RIMS2: variants seen among roughly 807,000 people sequenced by gnomAD.
The protein encoded by RIMS2 is regulating synaptic membrane exocytosis 2.
A neutral mutation model predicts 174.4 loss-of-function variants in RIMS2; 59 were observed. The observed-to-expected ratio is 0.34, with a 90% CI of 0.27 to 0.42. The LOEUF (loss-of-function observed/expected upper bound fraction) is 0.42, where lower values mean the gene tolerates loss of function less well. Ranked by LOEUF, RIMS2 falls within the 10% of genes least tolerant of loss-of-function variation. The probability of loss-of-function intolerance (pLI) is 1.00; values close to 1 mark genes in which losing one functional copy is unlikely to be tolerated. For missense variants in RIMS2, 1,620 were observed against 1,666.3 expected (o/e 0.97, Z 0.48); for synonymous variants, 606 against 572.5 (o/e 1.06, Z -0.84).
intron 19 of RIMS2, among the ~76,000 whole-genome samples, chr8:104,016,128 T>C (rs2095896533): frequency 6.6e-6 from 1 of 152,068 alleles, no homozygotes; most frequent in South Asian, 2.1e-4. Flanking sequence ...AAATTAACTT[T>C]GTATCTTTAA....
chr8:104,250,102 A>C (rs527366698), intron 22 of RIMS2, among the ~76,000 whole-genome samples: 182 of 152,358 alleles, frequency 1.2e-3, no homozygotes, highest in Middle Eastern at 3.4e-3. Flanking sequence ...CTTATGCTAC[A>C]TATTTCAAAT....
chr8:104,185,217 T>C (rs77311030), intron 19 of RIMS2, among the ~76,000 whole-genome samples: 2,868 of 151,646 alleles, frequency 0.019, 37 homozygotes, highest in Middle Eastern at 0.041. Context: ...ATTAAGCCAG[T>C]TATTAATTGC....
At chr8:103,960,862 T>C (rs2089789321) in intron 14 of RIMS2, among the ~76,000 whole-genome samples, 1 of 152,170 alleles carries the variant, frequency 6.6e-6, no homozygotes, top group Non-Finnish European at 1.5e-5. Flanking sequence ...TATAAATTGT[T>C]AACTCCTCAT....
rs374524431 is a variant in RIMS2 at position 103,500,963 on chromosome 8, T to C, written c.77T>C (p.Met26Thr). The stretch of plus-strand genomic sequence containing the variant: ...TCTCAGCCGCCTCTGCAGCCCGAGA[T>C]GCCTGACCTCAGCCACCTCACGGAG... The change falls in exon 1 of 24, where the codon ATG (methionine) becomes ACG (threonine). Residue 26 changes from methionine (M) to threonine (T), a missense_variant. Physicochemically the swap from Met to Thr is moderately conservative, Grantham distance 81. This residue lies in a region of RIMS2 where 1,395 missense variants were observed against 1,360.1 expected (regional missense o/e 1.03). Transcript: ENST00000504942. 101 of 1,610,716 alleles carry C rather than the reference T, an allele frequency of 6.3e-5. No individual in the cohort carries two copies. The African/African-American group carries it at 1.2e-3, about 20-fold the overall frequency.
intron 19 of RIMS2, among the ~76,000 whole-genome samples, chr8:104,243,974 C>T (rs1216713412): frequency 1.3e-5 from 2 of 152,136 alleles, no homozygotes; most frequent in African/African-American, 2.4e-5. Context: ...ACATGGTCAT[C>T]CCTATCTTTG....
chr8:103,520,537 T>C (rs1831154056), intron 1 of RIMS2, among the ~76,000 whole-genome samples: 3 of 152,184 alleles, frequency 2.0e-5, no homozygotes, highest in African/African-American at 7.2e-5. Flanking sequence ...TGAAAATAGT[T>C]AAACAGAGTG....
At chr8:103,912,280 T>G (rs1232382536) in intron 6 of RIMS2, 108 bp downstream of exon 9, 1 of 706,326 alleles carries the variant, frequency 1.4e-6, no homozygotes, top group Non-Finnish European at 2.2e-6. Flanking sequence ...TATTTTTCCA[T>G]TTTCAATAGT....
chr8:103,678,590 C>T (rs1336504595), intron 1 of RIMS2, among the ~76,000 whole-genome samples: 2 of 152,078 alleles, frequency 1.3e-5, no homozygotes, highest in Non-Finnish European at 2.9e-5. Flanking sequence ...GTTATATTAG[C>T]TTCATGACAT....
downstream of RIMS2, chr8:104,251,859 CAAAAAAA>C (rs34085789): frequency 3.8e-5 from 27 of 709,902 alleles, 1 homozygote; most frequent in Admixed American, 3.0e-4. Context: ...ACCAGCGTTA[CAAAAAAA>C]AAAAAAAAAA....
At position 104,191,895 on chromosome 8, in the gene RIMS2, G is replaced by A. The variant is rs77598432; in HGVS notation, c.3335-53021G>A. On this transcript the variant is annotated intron_variant, in intron 19 of 23. Coordinates refer to ENST00000504942, the Ensembl canonical transcript of RIMS2. ...GCTAGGATTACAGGCAGAAGCCTCC[G>A]TGCCCAGTCACAAAATTATATTTAA... Among the ~76,000 whole-genome samples, 813 of 152,146 alleles carry A rather than the reference G, an allele frequency of 5.3e-3. 4 individuals are homozygous for A. The highest frequency in any genetic ancestry group is 0.018 in the African/African-American group (748 of 41,514).
chr8:103,818,799 A>T (rs73293812), intron 3 of RIMS2, among the ~76,000 whole-genome samples: 7,395 of 152,272 alleles, frequency 0.049, 269 homozygotes, highest in African/African-American at 0.11. Context: ...ATAAGAAATT[A>T]AAACACCTAA....
chr8:104,148,925 T>G (rs2098667342), intron 19 of RIMS2, 77 bp downstream of exon 25: 2 of 1,411,772 alleles, frequency 1.4e-6, no homozygotes, highest in East Asian at 4.6e-5. Context: ...CTTACTCATT[T>G]TATTGCAGTA....
At chr8:103,926,933 G>A (rs1565355076) in intron 10 of RIMS2, among the ~76,000 whole-genome samples, 1 of 151,444 alleles carries the variant, frequency 6.6e-6, no homozygotes, top group Admixed American at 6.6e-5. Flanking sequence ...AATTAGAACT[G>A]GGTTATATTT....
intron 19 of RIMS2, among the ~76,000 whole-genome samples, chr8:104,016,677 T>C (rs546125476): frequency 6.9e-4 from 105 of 152,156 alleles, no homozygotes; most frequent in African/African-American, 2.5e-3. Flanking sequence ...AAAGATGGAG[T>C]TTCAACATCA....
At chr8:103,980,297 C>A (rs561420773) in intron 16 of RIMS2, among the ~76,000 whole-genome samples, 1 of 152,188 alleles carries the variant, frequency 6.6e-6, no homozygotes, top group African/African-American at 2.4e-5. Flanking sequence ...CGTTCTAGGC[C>A]CTAGCTCTGG....
chr8:104,085,430 A>G (rs1475038105), intron 19 of RIMS2, among the ~76,000 whole-genome samples: 1 of 152,202 alleles, frequency 6.6e-6, no homozygotes, highest in South Asian at 2.1e-4. Flanking sequence ...TCCTGCTTAT[A>G]TTTCAGAGGT....
intron 1 of RIMS2, among the ~76,000 whole-genome samples, chr8:103,635,169 T>C (rs932452862): frequency 1.3e-5 from 2 of 152,244 alleles, no homozygotes; most frequent in Admixed American, 6.5e-5. Context: ...ACAGTGGTCT[T>C]TGTGTTTATG....
At chr8:103,750,966 C>T (rs1591618629) in intron 2 of RIMS2, among the ~76,000 whole-genome samples, 2 of 152,172 alleles carry the variant, frequency 1.3e-5, no homozygotes, top group East Asian at 1.9e-4. Flanking sequence ...AGGTCTTTCT[C>T]GTGTTGTTCT....
intron 19 of RIMS2, among the ~76,000 whole-genome samples, chr8:104,074,299 G>A (rs1245193791): frequency 2.6e-5 from 4 of 152,000 alleles, no homozygotes; most frequent in Non-Finnish European, 4.4e-5. Context: ...GGTGGCTTGG[G>A]GTAGGTTTAA....
Sources: gnomAD v4.1 joint callset for allele counts (sites outside exome capture counted in the v4.1 genomes callset) on GRCh38, gnomAD v4.1.1 for gene constraint, gnomAD v4.1.1 regional missense constraint, MANE v1.5 for transcripts, NCBI Gene and HGNC (gene_info 2026-07-23, HGNC 2026-07-21) for gene names.